The following KIAA1217 variants were observed in gnomAD, a reference collection of about 807,000 sequenced individuals.
KIAA1217 encodes the protein sickle tail protein homolog.
KIAA1217 carries 88 observed loss-of-function variants against 163.9 expected under a neutral mutation model. That is an observed-to-expected ratio of 0.54 (90% confidence interval 0.45 to 0.64). The LOEUF (loss-of-function observed/expected upper bound fraction) is 0.64, where lower values mean the gene tolerates loss of function less well. KIAA1217 is among the 30% of genes least tolerant of loss of function. The pLI is 0.00. For missense variants in KIAA1217, 2,372 were observed against 2,475.0 expected (o/e 0.96, Z 0.88); for synonymous variants, 903 against 923.1 (o/e 0.98, Z 0.39).
chr10:23,721,578 T>C (rs1044779772), intron 1 of KIAA1217, among the ~76,000 whole-genome samples: 13 of 152,018 alleles, frequency 8.6e-5, no homozygotes, highest in Non-Finnish European at 1.8e-4. Flanking sequence ...TAACCCATGT[T>C]CTCGGTGACA....
intron 2 of KIAA1217, among the ~76,000 whole-genome samples, chr10:24,159,255 C>A (rs2065010553): frequency 6.6e-6 from 1 of 152,080 alleles, no homozygotes; most frequent in African/African-American, 2.4e-5. Flanking sequence ...TGTCCTGTCA[C>A]AGAGTGTTCT....
intron 6 of KIAA1217, chr10:24,483,079 A>G (rs537132778): frequency 6.6e-6 from 1 of 152,272 alleles, no homozygotes; most frequent in African/African-American, 2.4e-5. Flanking sequence ...TATCACCAGT[A>G]AATACTTCCT....
At chr10:23,808,314 G>A (rs1200584079) in intron 1 of KIAA1217, among the ~76,000 whole-genome samples, 1 of 152,112 alleles carries the variant, frequency 6.6e-6, no homozygotes, top group South Asian at 2.1e-4. Context: ...AACACAGAGG[G>A]AATTAGGCCC....
intron 1 of KIAA1217, among the ~76,000 whole-genome samples, chr10:23,982,644 A>G (rs376762643): frequency 1.4e-5 from 2 of 141,736 alleles, no homozygotes; most frequent in African/African-American, 5.3e-5. Flanking sequence ...GCTCACTGCA[A>G]CCTCCACCTC....
intron 1 of KIAA1217, among the ~76,000 whole-genome samples, chr10:23,844,231 A>AATCC (rs1564469066): frequency 6.6e-6 from 1 of 152,136 alleles, no homozygotes; most frequent in East Asian, 1.9e-4. Flanking sequence ...ACCAGATTAG[A>AATCC]ATCCAGCTTT....
At chr10:24,253,793 T>C (rs1163334228) in intron 2 of KIAA1217, among the ~76,000 whole-genome samples, 1 of 151,448 alleles carries the variant, frequency 6.6e-6, no homozygotes, top group African/African-American at 2.4e-5. Context: ...TACTCACCTG[T>C]AGTCCCAGCT....
chr10:24,225,510 G>A (rs2070398014), intron 2 of KIAA1217, among the ~76,000 whole-genome samples: 1 of 152,094 alleles, frequency 6.6e-6, no homozygotes, highest in Non-Finnish European at 1.5e-5. Context: ...TTCTGAAACT[G>A]GTATTTTTCT....
chr10:24,259,678 C>A (rs767334677), intron 2 of KIAA1217, among the ~76,000 whole-genome samples: 1 of 152,158 alleles, frequency 6.6e-6, no homozygotes, highest in Non-Finnish European at 1.5e-5. Flanking sequence ...TCTGGAAAGT[C>A]CTGGAGCCTG....
At chr10:23,794,587 T>C (rs1836110355) in intron 1 of KIAA1217, among the ~76,000 whole-genome samples, 1 of 152,222 alleles carries the variant, frequency 6.6e-6, no homozygotes, top group Non-Finnish European at 1.5e-5. Flanking sequence ...TGTGAATCAT[T>C]TCATAGATAA....
At chr10:23,785,930 G>C (rs1262925809) in intron 1 of KIAA1217, among the ~76,000 whole-genome samples, 1 of 152,084 alleles carries the variant, frequency 6.6e-6, no homozygotes, top group East Asian at 1.9e-4. Context: ...AATTCTGTTG[G>C]AAATAAAGAA....
At chr10:24,157,230 G>A (rs2064917694) in intron 2 of KIAA1217, among the ~76,000 whole-genome samples, 1 of 152,202 alleles carries the variant, frequency 6.6e-6, no homozygotes, top group Admixed American at 6.5e-5. Context: ...TCATTAATTT[G>A]CATGCCCTTA....
chr10:24,200,045 C>G (rs183915269), intron 2 of KIAA1217, among the ~76,000 whole-genome samples: 225 of 152,044 alleles, frequency 1.5e-3, no homozygotes, highest in Middle Eastern at 6.8e-3. Context: ...GTCCTTCCCC[C>G]CCATGCACCC....
chr10:23,966,182 A>G (rs1845059453), intron 1 of KIAA1217, among the ~76,000 whole-genome samples: 1 of 152,136 alleles, frequency 6.6e-6, no homozygotes, highest in African/African-American at 2.4e-5. Context: ...ATTTTTGAAT[A>G]AGAGCCCCAC....
At chr10:24,217,199 G>A (rs11013977) in intron 1 of KIAA1217, among the ~76,000 whole-genome samples, 37,208 of 151,994 alleles carry the variant, frequency 0.24, 5,493 homozygotes, top group East Asian at 0.34. Context: ...ATCTAGCTTT[G>A]TTCAGTAGAT....
At chr10:24,103,526 A>T (rs1002266620) in intron 2 of KIAA1217, among the ~76,000 whole-genome samples, 1 of 152,204 alleles carries the variant, frequency 6.6e-6, no homozygotes, top group Non-Finnish European at 1.5e-5. Context: ...TATATAAATT[A>T]TGCAACGAAC....
chr10:24,269,175 A>G (rs1421939708), intron 2 of KIAA1217, among the ~76,000 whole-genome samples: 1 of 148,346 alleles, frequency 6.7e-6, no homozygotes, highest in Non-Finnish European at 1.5e-5. Context: ...TAACCTGCAC[A>G]ATGTGCACAT....
chr10:23,871,311 A>G (rs1840445895), intron 1 of KIAA1217, among the ~76,000 whole-genome samples: 1 of 151,968 alleles, frequency 6.6e-6, no homozygotes, highest in South Asian at 2.1e-4. Context: ...GTCAGTTTCT[A>G]GTTTCCTCTA....
intron 1 of KIAA1217, among the ~76,000 whole-genome samples, chr10:23,815,181 GT>G (rs987183000): frequency 6.6e-6 from 1 of 151,242 alleles, no homozygotes. Flanking sequence ...TGAGGCAAAG[GT>G]TTTTTTTTAA....
chr10:24,303,289 T>G (rs1050071038), intron 2 of KIAA1217, among the ~76,000 whole-genome samples: 1 of 152,148 alleles, frequency 6.6e-6, no homozygotes, highest in Non-Finnish European at 1.5e-5. Flanking sequence ...GTGCTAGGAT[T>G]ACAGGCATGA....
Sources: allele counts gnomAD v4.1 joint callset (sites outside exome capture counted in the v4.1 genomes callset), GRCh38; gene constraint gnomAD v4.1.1; transcripts MANE v1.5; gene names NCBI Gene and HGNC (gene_info 2026-07-23, HGNC 2026-07-21).